The following SRRM3 variants were observed in gnomAD, a reference collection of about 807,000 sequenced individuals.
SRRM3 encodes serine/arginine repetitive matrix protein 3.
A neutral mutation model predicts 66.2 loss-of-function variants in SRRM3; 27 were observed. The ratio of observed to expected loss-of-function variants is 0.41; its 90% CI spans 0.30 to 0.56. The LOEUF (loss-of-function observed/expected upper bound fraction) is 0.56. SRRM3 is among the 20% of genes least tolerant of loss of function. The pLI is 0.32. For missense variants in SRRM3, 918 were observed against 991.9 expected, an observed-to-expected ratio of 0.93 and a Z score of 1.00; for synonymous variants, 391 against 414.9, an observed-to-expected ratio of 0.94 and a Z score of 0.70.
intron 2 of SRRM3, 79 bp from the exon 3 acceptor site, chr7:76,248,109 G>A (rs1554606351): frequency 1.8e-6 from 2 of 1,139,576 alleles, no homozygotes; most frequent in Non-Finnish European, 2.6e-6. Flanking sequence ...GGGTTGGCGG[G>A]GCTGGGCTGA....
Position 76,283,177 on chromosome 7 carries a change from C to G in SRRM3, c.1733+76C>G, listed in dbSNP as rs879948968. The G allele has an allele frequency of 5.2e-5, 68 of 1,300,384 alleles. No individual in the cohort carries two copies. In the South Asian group the frequency reaches 1.3e-3, roughly 25 times the overall value. The allele number at this position is 1,300,384 out of a possible 1,614,324, so 80.6% of individuals were successfully genotyped here. A position where few individuals can be genotyped will look rare whatever the true frequency, so the allele number is the denominator to read the frequency against. On this transcript the variant is annotated intron_variant, in intron 14 of 14. Transcript: ENST00000611745. ...CGGATCAGGGACAGAGACCTCGGCC[C>G]GGGGACCTTCTCTGAGGATCCACTG...
intron 11 of SRRM3, among the ~76,000 whole-genome samples, chr7:76,279,845 C>T (rs1802449165): frequency 6.6e-6 from 1 of 152,128 alleles, no homozygotes; most frequent in African/African-American, 2.4e-5. Flanking sequence ...CATTTGCCAC[C>T]TCTATCCAGC....
At chr7:76,233,812 T>C (rs963863227) in intron 1 of SRRM3, among the ~76,000 whole-genome samples, 9 of 152,124 alleles carry the variant, frequency 5.9e-5, no homozygotes, top group African/African-American at 2.2e-4. Context: ...GAAGGACATA[T>C]GAGAAGAGCT....
chr7:76,215,394 G>GCT (rs1800535571), intron 1 of SRRM3, among the ~76,000 whole-genome samples: 1 of 95,112 alleles, frequency 1.1e-5, no homozygotes, highest in African/African-American at 4.6e-5. Flanking sequence ...GGAGCCCGCA[G>GCT]TTTTTTTTTT....
chr7:76,248,201 G>C lies in SRRM3; in HGVS notation c.247G>C (p.Glu83Gln), dbSNP rs782801115. 1 of 1,613,516 alleles carries C rather than the reference G, an allele frequency of 6.2e-7. No homozygotes were observed. Among genetic ancestry groups the C allele is most frequent in the Non-Finnish European group, 8.5e-7 (1 of 1,179,748 alleles). Reference sequence around the variant, plus strand: ...GTGCCCCTGCAGGTATTCGGAGGAGGAGATTCGGCAGAAAGTGGGGACATT... The same window carrying C: ...GTGCCCCTGCAGGTATTCGGAGGAGCAGATTCGGCAGAAAGTGGGGACATT... ...MMEEQGYSEE[E>Q]IRQKVGTFRQ... The change falls in exon 3 of 15, where the codon GAG becomes CAG. Residue 83 changes from glutamate to glutamine, a missense_variant. Glu to Gln is a conservative substitution (Grantham distance 29). Transcript: ENST00000611745.
chr7:76,250,021 C>CTTTATTTA (rs71082399), intron 3 of SRRM3, among the ~76,000 whole-genome samples: 2 of 151,622 alleles, frequency 1.3e-5, no homozygotes, highest in Admixed American at 1.3e-4. Context: ...TTGCAATCAT[C>CTTTATTTA]TTTATTTATT....
chr7:76,244,517 C>G (rs1392661364), intron 2 of SRRM3, among the ~76,000 whole-genome samples: 3 of 91,366 alleles, frequency 3.3e-5, no homozygotes, highest in Admixed American at 2.5e-4. Flanking sequence ...GAGCAAGACT[C>G]CATCTCAAAA....
At chr7:76,217,358 C>T (rs1800594300) in intron 1 of SRRM3, among the ~76,000 whole-genome samples, 1 of 152,160 alleles carries the variant, frequency 6.6e-6, no homozygotes, top group Admixed American at 6.5e-5. Context: ...AATCTCTGCC[C>T]ACTGCAACCT....
chr7:76,215,398 T>TG (rs1185627084), intron 1 of SRRM3, among the ~76,000 whole-genome samples: 18 of 143,174 alleles, frequency 1.3e-4, no homozygotes, highest in African/African-American at 4.5e-4. Context: ...CCCGCAGTTT[T>TG]TTTTTTTTTT....
rs978341934 is a variant in SRRM3 at position 76,264,106 on chromosome 7, A to G, written c.675-659A>G. Among the ~76,000 whole-genome samples the G allele has an allele frequency of 6.4e-4, 96 of 150,832 alleles. 1 individual carries two copies. The highest frequency in any genetic ancestry group is 2.3e-3 in the African/African-American group (93 of 40,970). On this transcript the variant is annotated intron_variant, in intron 8 of 14. Transcript: ENST00000611745. ...AAGACAAGAGCAAATCACCATTTCTATCTGGCCCAGACCTAAGGCTTGAGG... is the reference window on the plus strand; with the variant it reads ...AAGACAAGAGCAAATCACCATTTCTGTCTGGCCCAGACCTAAGGCTTGAGG...
chr7:76,205,278 C>T (rs1800267509), intron 1 of SRRM3, among the ~76,000 whole-genome samples: 1 of 152,138 alleles, frequency 6.6e-6, no homozygotes, highest in African/African-American at 2.4e-5. Context: ...GGTGCAATCT[C>T]AGCTCACTGC....
At chr7:76,216,224 G>A (rs1288160501) in intron 1 of SRRM3, among the ~76,000 whole-genome samples, 1 of 151,322 alleles carries the variant, frequency 6.6e-6, no homozygotes, top group Non-Finnish European at 1.5e-5. Flanking sequence ...AAAGTGTTGG[G>A]ATTACAGGCA....
In SRRM3 at chr7:76,285,547, C is replaced by A. The variant is rs1802640766; in HGVS notation, c.1734-68C>A. 7.5e-7 allele frequency: 1 copy of A among 1,339,512 alleles called. No homozygotes were observed. The highest frequency in any genetic ancestry group is 1.0e-6 in the Non-Finnish European group (1 of 972,538). 83.0% of individuals were successfully genotyped at this position (1,339,512 alleles called of 1,614,324 possible). On this transcript the variant is annotated intron_variant, in intron 14 of 14. Transcript: ENST00000611745. The surrounding 1 kb of genome is among the most constrained non-coding windows in gnomAD (Gnocchi z 4.1). The stretch of plus-strand genomic sequence containing the variant: ...GCTCAGGGGAAACTGAGGCAGGAAG[C>A]CCTGGCCGCTGCTGGGATGGGGCTC...
At chr7:76,229,189 C>T (rs1554604042) in intron 1 of SRRM3, among the ~76,000 whole-genome samples, 4 of 151,930 alleles carry the variant, frequency 2.6e-5, no homozygotes, top group African/African-American at 7.3e-5. Context: ...TGAGCCACCG[C>T]GCCCAGCCGA....
chr7:76,267,416 C>G lies in SRRM3; in HGVS notation c.989C>G (p.Ser330Trp). ...GGAGCGCACGGGGGCCGCCCCGGCTCGGCGCACAGCCCGCCCGATGTACGT... is the reference window on the plus strand; with the variant it reads ...GGAGCGCACGGGGGCCGCCCCGGCTGGGCGCACAGCCCGCCCGATGTACGT... ...RSGAHGGRPG[S>W]AHSPPDKPSS... is the part of the protein sequence containing the mutation. The change falls in exon 11 of 15, where the codon TCG becomes TGG. Residue 330 changes from serine to tryptophan, a missense_variant. By Grantham distance (177) the Ser-to-Trp change is radical. Transcript: ENST00000611745. 7.3e-7 allele frequency: 1 copy of G among 1,378,138 alleles called. No individual in the cohort carries two copies. Among genetic ancestry groups the G allele is most frequent in the East Asian group, 3.1e-5 (1 of 32,372 alleles). The allele number at this position is 1,378,138 out of a possible 1,614,324, so 85.4% of individuals were successfully genotyped here.
At chr7:76,228,645 A>G (rs1415195160) in intron 1 of SRRM3, among the ~76,000 whole-genome samples, 1 of 152,020 alleles carries the variant, frequency 6.6e-6, no homozygotes. Context: ...AATCATGTGA[A>G]CCTGAGAGGC....
chr7:76,282,946 C>T lies in SRRM3; in HGVS notation c.1596-18C>T. On this transcript the variant is annotated intron_variant, in intron 13 of 14. Coordinates refer to ENST00000611745, the MANE Select transcript of SRRM3 (RefSeq NM_001110199.3). Reference sequence around the variant, plus strand: ...CGGCCGGGCCGCGTCGCTCACTTACCTCGCGCCGGCCCCGCAGGGACAAGG... The same window carrying T: ...CGGCCGGGCCGCGTCGCTCACTTACTTCGCGCCGGCCCCGCAGGGACAAGG... 7.5e-7 allele frequency: 1 copy of T among 1,329,000 alleles called. No individual in the cohort carries two copies. The highest frequency in any genetic ancestry group is 9.6e-7 in the Non-Finnish European group (1 of 1,045,138). The allele number at this position is 1,329,000 out of a possible 1,614,324, so 82.3% of individuals were successfully genotyped here. A position where few individuals can be genotyped will look rare whatever the true frequency, so the allele number is the denominator to read the frequency against.
At chr7:76,203,690 G>A (rs1554600834) in intron 1 of SRRM3, among the ~76,000 whole-genome samples, 1 of 152,196 alleles carries the variant, frequency 6.6e-6, no homozygotes, top group Non-Finnish European at 1.5e-5. Flanking sequence ...GAAGCTTCAT[G>A]AGGAAGGCAT....
intron 2 of SRRM3, among the ~76,000 whole-genome samples, chr7:76,241,362 G>A (rs1158399141): frequency 6.6e-6 from 1 of 152,188 alleles, no homozygotes; most frequent in African/African-American, 2.4e-5. Flanking sequence ...CAGAGAAGAG[G>A]CCCAGGCAAT....
Sources: gnomAD v4.1 joint callset for allele counts (sites outside exome capture counted in the v4.1 genomes callset) on GRCh38, gnomAD v4.1.1 for gene constraint, Gnocchi (gnomAD v3.1) non-coding constraint, MANE v1.5 for transcripts, NCBI Gene and HGNC (gene_info 2026-07-23, HGNC 2026-07-21) for gene names.